The following PDRG1 variants were observed in gnomAD, a reference collection of about 807,000 sequenced individuals.
The protein encoded by PDRG1 is p53 and DNA damage regulated 1.
In PDRG1, 14 loss-of-function variants were observed where a neutral mutation model predicts 18.4. The observed-to-expected ratio is 0.76, with a 90% CI of 0.50 to 1.19. The LOEUF (loss-of-function observed/expected upper bound fraction) is 1.19. Ranked by LOEUF, PDRG1 falls within the 50% of genes most tolerant of loss-of-function variation. The pLI, the probability that PDRG1 is intolerant of heterozygous loss-of-function variation, is 0.00. For missense variants in PDRG1, 177 were observed against 160.1 expected (o/e 1.11, Z -0.57); for synonymous variants, 65 against 60.9 (o/e 1.07, Z -0.31).
chr20:31,948,241 A>G (rs2064330768), intron 3 of PDRG1, among the ~76,000 whole-genome samples: 1 of 152,208 alleles, frequency 6.6e-6, no homozygotes, highest in Admixed American at 6.5e-5. Flanking sequence ...ATGGGTGACC[A>G]TGTGACTTAG....
intron 3 of PDRG1, 104 bp from the exon 4 acceptor site, chr20:31,946,680 A>G (rs1225443377): frequency 2.0e-6 from 2 of 1,000,794 alleles, no homozygotes; most frequent in East Asian, 2.4e-5. Context: ...TGTAGCTTTC[A>G]GGAAGGAAAA....
intron 1 of PDRG1, 100 bp downstream of exon 1, chr20:31,951,775 C>A (rs1011398465): frequency 6.2e-6 from 8 of 1,299,260 alleles, no homozygotes; most frequent in South Asian, 1.5e-5. Flanking sequence ...TCTGTCGCCT[C>A]GGAGCCGTTA....
At position 31,945,748 on chromosome 20, in the gene PDRG1, G is replaced by A. The variant is rs1272059755; in HGVS notation, c.*59C>T. 1.4e-6 allele frequency: 2 copies of A among 1,396,088 alleles called. No individual in the cohort carries two copies. Among genetic ancestry groups the A allele is most frequent in the East Asian group, 2.3e-5 (1 of 43,594 alleles). 86.5% of individuals were successfully genotyped at this position (1,396,088 alleles called of 1,614,324 possible). Reference sequence around the variant, plus strand: ...GTCCTTACAGGTGTCAAGGTTGGAGGGTCCTGGGTCCTCCATGACCCTGGG... The same window carrying A: ...GTCCTTACAGGTGTCAAGGTTGGAGAGTCCTGGGTCCTCCATGACCCTGGG... On this transcript the variant is annotated 3_prime_UTR_variant, in exon 5 of 5. Coordinates refer to ENST00000202017, the MANE Select transcript of PDRG1 (RefSeq NM_030815.3).
chr20:31,948,427 G>C (rs1477674040), intron 3 of PDRG1, among the ~76,000 whole-genome samples: 1 of 152,212 alleles, frequency 6.6e-6, no homozygotes. Context: ...GCCACTGCTG[G>C]GCATCTATGC....
At position 31,951,972 on chromosome 20, in the gene PDRG1, A is replaced by G. The variant is rs1301494040; in HGVS notation, c.-11T>C. ...CTCGGGTGATAGCATAGCGCCCACC[A>G]ACTCCGCTTGCGGCTCTCGCGCGAC... On this transcript the variant is annotated 5_prime_UTR_variant, in exon 1 of 5. Coordinates refer to ENST00000202017, the MANE Select transcript of PDRG1 (RefSeq NM_030815.3). 7.1e-6 allele frequency: 11 copies of G among 1,551,452 alleles called. No individual in the cohort carries two copies. The highest frequency in any genetic ancestry group is 1.7e-4 in the Middle Eastern group (1 of 5,952).
intron 3 of PDRG1, among the ~76,000 whole-genome samples, chr20:31,947,040 G>A (rs1275391844): frequency 2.0e-5 from 3 of 152,216 alleles, no homozygotes; most frequent in East Asian, 1.9e-4. Context: ...AACATGTGAC[G>A]TAAACAATCA....
Position 31,945,824 on chromosome 20 carries a change from C to A in PDRG1, c.385G>T (p.Val129Phe), listed in dbSNP as rs1478654577. The A allele has an allele frequency of 6.2e-7, 1 of 1,613,872 alleles. No homozygotes were observed. The highest frequency in any genetic ancestry group is 8.5e-7 in the Non-Finnish European group (1 of 1,179,842). Reference protein sequence around the residue: ...LNQDELKALKVILKG With the variant: ...LNQDELKALKFILKG ...CTTGAGTCTCATCCTTTCAAGATGACCTTGAGAGCTTTAAGCTCATCCTGG... is the reference window on the plus strand; with the variant it reads ...CTTGAGTCTCATCCTTTCAAGATGAACTTGAGAGCTTTAAGCTCATCCTGG... The change falls in exon 5 of 5, where the codon GTC (valine) becomes TTC (phenylalanine). Residue 129 changes from valine to phenylalanine, a missense_variant. Transcript: ENST00000202017.
In PDRG1 at chr20:31,945,773, G is replaced by A. The variant is rs764376302; in HGVS notation, c.*34C>T. On this transcript the variant is annotated 3_prime_UTR_variant, in exon 5 of 5. Transcript: ENST00000202017. ...GGTCCTGGGTCCTCCATGACCCTGG[G>A]GGGTTGCTGGTCCCCCATCTTGGTT... is the stretch of plus-strand genomic sequence containing the variant. 1.9e-6 allele frequency: 3 copies of A among 1,571,010 alleles called. No individual in the cohort carries two copies. Among genetic ancestry groups the A allele is most frequent in the Non-Finnish European group, 2.6e-6 (3 of 1,141,962 alleles).
chr20:31,947,173 T>C (rs1435300077), intron 3 of PDRG1, among the ~76,000 whole-genome samples: 1 of 152,226 alleles, frequency 6.6e-6, no homozygotes, highest in Non-Finnish European at 1.5e-5. Context: ...CAAAGCTTGA[T>C]TGACCAATTG....
At chr20:31,946,264 C>T (rs756778627) in intron 4 of PDRG1, among the ~76,000 whole-genome samples, 3 of 152,144 alleles carry the variant, frequency 2.0e-5, no homozygotes, top group South Asian at 4.1e-4. Context: ...TCACCCCAAG[C>T]GGTTCCTGGG....
intron 2 of PDRG1, 109 bp downstream of exon 2, chr20:31,950,203 G>T: frequency 1.1e-6 from 1 of 883,150 alleles, no homozygotes. Context: ...CCACAAGGCT[G>T]AGTTATACAG....
At chr20:31,951,044 C>A (rs531831167) in intron 1 of PDRG1, among the ~76,000 whole-genome samples, 76 of 152,324 alleles carry the variant, frequency 5.0e-4, no homozygotes, top group Admixed American at 2.6e-3. Context: ...CAGTACCTGG[C>A]ACATAGTAAG....
intron 1 of PDRG1, among the ~76,000 whole-genome samples, chr20:31,951,478 C>G (rs1218644647): frequency 6.6e-6 from 1 of 152,152 alleles, no homozygotes; most frequent in Non-Finnish European, 1.5e-5. Flanking sequence ...ACCCCATAAA[C>G]AGGGCGCCAC....
chr20:31,947,444 C>A (rs2064326086), intron 3 of PDRG1, among the ~76,000 whole-genome samples: 1 of 152,236 alleles, frequency 6.6e-6, no homozygotes, highest in Non-Finnish European at 1.5e-5. Flanking sequence ...AAAGGGCCAA[C>A]AAGATCCTGA....
Position 31,945,592 on chromosome 20 carries a change from G to C in PDRG1, c.*215C>G, listed in dbSNP as rs1051478612. The C allele has an allele frequency of 2.1e-6, 1 of 483,940 alleles. No individual in the cohort carries two copies. Among genetic ancestry groups the C allele is most frequent in the African/African-American group, 2.0e-5 (1 of 50,352 alleles). The allele number at this position is 483,940 out of a possible 1,614,324, so 30.0% of individuals were successfully genotyped here. A position where few individuals can be genotyped will look rare whatever the true frequency, so the allele number is the denominator to read the frequency against. ...CCCGTCAATAGATCTTGTGTCCACCGAGCCCTGGTGTCCAGGTCCAGCAGC... is the reference window on the plus strand; with the variant it reads ...CCCGTCAATAGATCTTGTGTCCACCCAGCCCTGGTGTCCAGGTCCAGCAGC... On this transcript the variant is annotated 3_prime_UTR_variant, in exon 5 of 5. Coordinates refer to ENST00000202017, the MANE Select transcript of PDRG1 (RefSeq NM_030815.3).
intron 4 of PDRG1, among the ~76,000 whole-genome samples, chr20:31,946,278 T>C (rs745351739): frequency 6.6e-6 from 1 of 152,154 alleles, no homozygotes; most frequent in Non-Finnish European, 1.5e-5. Flanking sequence ...TCCTGGGACC[T>C]GGAAAAGAAA....
chr20:31,951,764 G>A, intron 1 of PDRG1, 111 bp downstream of exon 1: 1 of 1,170,576 alleles, frequency 8.5e-7, no homozygotes, highest in Non-Finnish European at 1.2e-6. Context: ...ATCGGCCCAG[G>A]TCTGTCGCCT....
At chr20:31,948,676 C>G (rs191520040) in intron 3 of PDRG1, 132 bp downstream of exon 3, 2 of 778,698 alleles carry the variant, frequency 2.6e-6, no homozygotes, top group East Asian at 5.2e-5. Context: ...GAATTAAAAC[C>G]CACAGCAGTC....
At chr20:31,947,850 A>G (rs1004587142) in intron 3 of PDRG1, among the ~76,000 whole-genome samples, 7 of 151,978 alleles carry the variant, frequency 4.6e-5, no homozygotes, top group African/African-American at 1.7e-4. Context: ...AGATAGCACC[A>G]TTGCACTCCA....
Sources: allele counts gnomAD v4.1 joint callset (sites outside exome capture counted in the v4.1 genomes callset), GRCh38; gene constraint gnomAD v4.1.1; transcripts MANE v1.5; gene names NCBI Gene and HGNC (gene_info 2026-07-23, HGNC 2026-07-21).